RPS6KA1: variants seen among roughly 807,000 people sequenced by gnomAD.
RPS6KA1 encodes the protein ribosomal protein S6 kinase alpha-1.
RPS6KA1 carries 48 observed loss-of-function variants against 91.3 expected under a neutral mutation model. The observed-to-expected ratio is 0.53, with a 90% confidence interval of 0.42 to 0.67. The LOEUF (loss-of-function observed/expected upper bound fraction) is 0.67. RPS6KA1 is among the 30% of genes least tolerant of loss of function. RPS6KA1 has a pLI of 0.00. For missense variants in RPS6KA1, 719 were observed against 960.5 expected, an observed-to-expected ratio of 0.75 and a Z score of 3.32; for synonymous variants, 359 against 384.7, an observed-to-expected ratio of 0.93 and a Z score of 0.78.
At position 26,544,411 on chromosome 1, in the gene RPS6KA1, T is replaced by C. The variant is rs2075974158; in HGVS notation, c.109-2456T>C. Among the ~76,000 whole-genome samples the C allele has an allele frequency of 2.6e-5, 4 of 152,204 alleles. No homozygotes were observed. The South Asian group carries it at 8.3e-4, about 32-fold the overall frequency. On this transcript the variant is annotated intron_variant, in intron 2 of 21. Coordinates refer to ENST00000374168, the MANE Select transcript of RPS6KA1 (RefSeq NM_002953.4). ...TTGGATACCTGTCCCCTTCTGTCTT[T>C]GCCTGTTGGGTTTGTGTCACCATCT...
Position 26,557,063 on chromosome 1 carries a change from C to G in RPS6KA1, c.1047C>G (p.Phe349Leu), listed in dbSNP as rs763070001. The G allele has an allele frequency of 1.2e-6, 2 of 1,614,122 alleles. No homozygotes were observed. The highest frequency in any genetic ancestry group is 2.2e-5 in the South Asian group (2 of 91,086). Residue 349 changes from phenylalanine to leucine, a missense_variant, in exon 13 of 22, where the codon TTC becomes TTG. By Grantham distance (22) the Phe-to-Leu change is conservative. Transcript: ENST00000374168. ...CAGTGGCTCAGCCTGATGACACCTT[C>G]TACTTTGACACCGAGTTCACGTCCC... ...KPAVAQPDDT[F>L]YFDTEFTSRT...
At chr1:26,536,900 C>T in intron 1 of RPS6KA1, 25 bp from the exon 2 acceptor site, 5 of 1,613,852 alleles carry the variant, frequency 3.1e-6, no homozygotes, top group Non-Finnish European at 4.2e-6. Context: ...GACAGTGCTC[C>T]CCCAATCTCC....
Position 26,555,358 on chromosome 1 carries a change from C to A in RPS6KA1, c.827+137C>A. ...CTCTCCTCTGGGTTAAACATTATACCTTCCAGAGCCCCTCTTTCATCCCTG... is the reference window on the plus strand; with the variant it reads ...CTCTCCTCTGGGTTAAACATTATACATTCCAGAGCCCCTCTTTCATCCCTG... On this transcript the variant is annotated intron_variant, in intron 10 of 21. Coordinates refer to ENST00000374168, the MANE Select transcript of RPS6KA1 (RefSeq NM_002953.4). The surrounding 1 kb of genome is among the most constrained non-coding windows in gnomAD (Gnocchi z 4.3). 2 of 1,026,760 alleles carry A rather than the reference C, an allele frequency of 1.9e-6. No homozygotes were observed. The highest frequency in any genetic ancestry group is 2.9e-6 in the Non-Finnish European group (2 of 689,728). 63.6% of individuals were successfully genotyped at this position (1,026,760 alleles called of 1,614,324 possible). A position where few individuals can be genotyped will look rare whatever the true frequency, so the allele number is the denominator to read the frequency against.
intron 1 of RPS6KA1, chr1:26,531,299 G>A (rs1435934133): frequency 6.5e-6 from 1 of 152,688 alleles, no homozygotes; most frequent in Non-Finnish European, 1.5e-5. Flanking sequence ...CTCACCCTCT[G>A]AGGTGAGGAA....
At chr1:26,557,228 T>C (rs938169686) in intron 13 of RPS6KA1, 128 bp downstream of exon 13, 1 of 689,560 alleles carries the variant, frequency 1.5e-6, no homozygotes, top group African/African-American at 1.8e-5. Context: ...GGCAGGCGGG[T>C]GAGTTTCTGG....
intron 2 of RPS6KA1, chr1:26,546,164 C>A: frequency 9.4e-7 from 1 of 1,059,894 alleles, no homozygotes; most frequent in Admixed American, 3.1e-5. Context: ...GTGACTGGAC[C>A]CTGCCCAGAC....
At chr1:26,570,589 G>A (rs2076240757) in intron 17 of RPS6KA1, among the ~76,000 whole-genome samples, 1 of 152,146 alleles carries the variant, frequency 6.6e-6, no homozygotes, top group Non-Finnish European at 1.5e-5. Flanking sequence ...AGGGCCCAGA[G>A]GAAAGCCGTT....
chr1:26,567,657 G>T lies in RPS6KA1; in HGVS notation c.1591-3792G>T, dbSNP rs147183144. ...GCCTTCCAAAGTGCTGGGATTACAG[G>T]CATGAGCCACCATGCCTGGCCTGGT... is the stretch of plus-strand genomic sequence containing the variant. On this transcript the variant is annotated intron_variant, in intron 17 of 21. Coordinates refer to ENST00000374168, the MANE Select transcript of RPS6KA1 (RefSeq NM_002953.4). Among the ~76,000 whole-genome samples the T allele has an allele frequency of 3.1e-3, 468 of 152,266 alleles. 2 individuals carry two copies. Among genetic ancestry groups the T allele is most frequent in the African/African-American group, 0.011 (437 of 41,558 alleles).
chr1:26,549,690 C>CTTTTTTTTTTTTTTTTTTTT (rs561375723), intron 4 of RPS6KA1, among the ~76,000 whole-genome samples: 4 of 101,916 alleles, frequency 3.9e-5, no homozygotes, highest in Non-Finnish European at 5.6e-5. Flanking sequence ...AAAGCCTGTT[C>CTTTTTTTTTTTTTTTTTTTT]TTTTTTTTTT....
At position 26,551,484 on chromosome 1, in the gene RPS6KA1, C is replaced by G; in HGVS notation, c.388+7C>G. On this transcript the variant is annotated splice_region_variant and intron_variant, in intron 5 of 21. Coordinates refer to ENST00000374168, the MANE Select transcript of RPS6KA1 (RefSeq NM_002953.4). The surrounding 1 kb of genome is among the most constrained non-coding windows in gnomAD (Gnocchi z 4.5). Reference sequence around the variant, plus strand: ...GTGGTGAAGCTGCACTATGGTAAAGCTTCTGGCCCTGCCTGAGCTCCTACC... The same window carrying G: ...GTGGTGAAGCTGCACTATGGTAAAGGTTCTGGCCCTGCCTGAGCTCCTACC... 3 of 1,613,924 alleles carry G rather than the reference C, an allele frequency of 1.9e-6. No individual in the cohort carries two copies. Among genetic ancestry groups the G allele is most frequent in the Non-Finnish European group, 2.5e-6 (3 of 1,179,792 alleles).
At chr1:26,556,374 G>A (rs75143659) in intron 11 of RPS6KA1, among the ~76,000 whole-genome samples, 4,841 of 152,312 alleles carry the variant, frequency 0.032, 226 homozygotes, top group African/African-American at 0.11. Context: ...CTCAGCTTCT[G>A]TTCTAACTGT....
At chr1:26,556,414 T>C (rs983340345) in intron 11 of RPS6KA1, among the ~76,000 whole-genome samples, 4 of 152,232 alleles carry the variant, frequency 2.6e-5, no homozygotes, top group African/African-American at 9.6e-5. Context: ...CTAAAGTCTC[T>C]GGGCCTTCCT....
chr1:26,546,831 GGCCCACCAT>G lies in RPS6KA1; in HGVS notation c.109-27_109-19del, dbSNP rs745710873. 9 of 1,563,294 alleles carry G rather than the reference GGCCCACCAT, an allele frequency of 5.8e-6. No homozygotes were observed. The African/African-American group carries it at 1.2e-4, about 21-fold the overall frequency. ...GGGGAGCCTCCTGCTGCCTGGATGG[GGCCCACCAT>G]GCCCACCAGCTCTGTCCCTCCATCA... On this transcript the variant is annotated intron_variant, in intron 2 of 21. Coordinates refer to ENST00000374168, the MANE Select transcript of RPS6KA1 (RefSeq NM_002953.4).
chr1:26,572,046 C>T, intron 19 of RPS6KA1, 121 bp downstream of exon 19: 1 of 1,302,904 alleles, frequency 7.7e-7, no homozygotes, highest in Non-Finnish European at 1.1e-6. Context: ...GAAATAGGGA[C>T]ATGCTCCTGC....
At position 26,571,271 on chromosome 1, in the gene RPS6KA1, G is replaced by A. The variant is rs2076246560; in HGVS notation, c.1591-178G>A. ...AGAGCTACCTGTAGACACCTACACA[G>A]AGTCAGTAGCAGCAGCAATAAGACC... On this transcript the variant is annotated intron_variant, in intron 17 of 21. Coordinates refer to ENST00000374168, the MANE Select transcript of RPS6KA1 (RefSeq NM_002953.4). This position sits in a 1 kb window ranked among gnomAD's most constrained non-coding sequence, Gnocchi z 5.1. 3.2e-6 allele frequency: 2 copies of A among 622,560 alleles called. No individual in the cohort carries two copies. Among genetic ancestry groups the A allele is most frequent in the African/African-American group, 3.7e-5 (2 of 54,224 alleles). The allele number at this position is 622,560 out of a possible 1,614,324, so 38.6% of individuals were successfully genotyped here. A position where few individuals can be genotyped will look rare whatever the true frequency, so the allele number is the denominator to read the frequency against.
In RPS6KA1 at chr1:26,547,675, C is replaced by T; in HGVS notation, c.307+405C>T. 1 of 227,854 alleles carries T rather than the reference C, an allele frequency of 4.4e-6. No individual in the cohort carries two copies. The highest frequency in any genetic ancestry group is 9.0e-6 in the Non-Finnish European group (1 of 110,560). The allele number at this position is 227,854 out of a possible 1,614,324, so 14.1% of individuals were successfully genotyped here. On this transcript the variant is annotated intron_variant, in intron 4 of 21. Coordinates refer to ENST00000374168, the MANE Select transcript of RPS6KA1 (RefSeq NM_002953.4). This position sits in a 1 kb window ranked among gnomAD's most constrained non-coding sequence, Gnocchi z 4.1. ...AGCCCAGGGAGGCAGCTGGGCTAGG[C>T]AAGAGAGGGTGAGTCCAGGCAGGGC...
chr1:26,560,864 A>T lies in RPS6KA1; in HGVS notation c.1341+13A>T. ...GTATGCTGTCAAGGTGGGCCTCCTG[A>T]CCACGTCTCGGCCAAGGCTGCTGGG... On this transcript the variant is annotated intron_variant, in intron 15 of 21. Coordinates refer to ENST00000374168, the MANE Select transcript of RPS6KA1 (RefSeq NM_002953.4). 1 of 1,614,058 alleles carries T rather than the reference A, an allele frequency of 6.2e-7. No homozygotes were observed.
chr1:26,555,543 G>C lies in RPS6KA1; in HGVS notation c.834G>C (p.Lys278Asn). 2 of 1,591,544 alleles carry C rather than the reference G, an allele frequency of 1.3e-6. No homozygotes were observed. Among genetic ancestry groups the C allele is most frequent in the South Asian group, 2.3e-5 (2 of 87,914 alleles). The change falls in exon 11 of 22, where the codon AAG becomes AAC. Residue 278 changes from lysine to asparagine, a missense_variant. By Grantham distance (94) the Lys-to-Asn change is moderately conservative (BLOSUM62 0). Around this residue, in one of 5 missense-constraint regions of RPS6KA1, gnomAD observed 228 missense variants for 247.6 expected, o/e 0.92. Transcript: ENST00000374168. This position sits in a 1 kb window ranked among gnomAD's most constrained non-coding sequence, Gnocchi z 4.3. ...GTCCCGGGGGCTGTTTCAGGGCGAA[G>C]CTAGGCATGCCCCAGTTTCTGAGCA... ...KETMTLILKA[K>N]LGMPQFLSTE...
chr1:26,567,263 C>T (rs1313131714), intron 17 of RPS6KA1, among the ~76,000 whole-genome samples: 2 of 151,998 alleles, frequency 1.3e-5, no homozygotes, highest in Non-Finnish European at 2.9e-5. Flanking sequence ...TGGGCTCAAG[C>T]GATTCTCCCA....
Sources: allele counts gnomAD v4.1 joint callset (sites outside exome capture counted in the v4.1 genomes callset), GRCh38; gene constraint gnomAD v4.1.1; regional missense constraint gnomAD v4.1.1; non-coding constraint Gnocchi (gnomAD v3.1); transcripts MANE v1.5; gene names NCBI Gene and HGNC (gene_info 2026-07-23, HGNC 2026-07-21).